The following RELN variants were observed in gnomAD, a reference collection of about 807,000 sequenced individuals.
RELN encodes the protein reelin.
A neutral mutation model predicts 427.6 loss-of-function variants in RELN; 108 were observed. The observed-to-expected ratio is 0.25, with a 90% CI of 0.22 to 0.30. The LOEUF (loss-of-function observed/expected upper bound fraction) is 0.30, where lower values mean the gene tolerates loss of function less well. Among genes scored for constraint, RELN ranks in the 10% least tolerant of loss-of-function variants. The pLI is 1.00. For synonymous variants in RELN, 1,524 were observed against 1,513.4 expected (o/e 1.01, Z -0.16); for missense variants, 3,715 against 4,302.8 (o/e 0.86, Z 3.82).
At chr7:103,963,108 T>TTC (rs950855492) in intron 1 of RELN, among the ~76,000 whole-genome samples, 1 of 149,682 alleles carries the variant, frequency 6.7e-6, no homozygotes, top group Non-Finnish European at 1.5e-5. Context: ...TTAGACAGGA[T>TTC]TCTCTCTCTC....
intron 1 of RELN, among the ~76,000 whole-genome samples, chr7:103,985,074 C>G (rs768665560): frequency 2.6e-4 from 39 of 152,166 alleles, no homozygotes; most frequent in Non-Finnish European, 5.1e-4. Context: ...ATACTCTATC[C>G]TGATTATACC....
At chr7:103,819,504 A>C (rs1284193163) in intron 3 of RELN, among the ~76,000 whole-genome samples, 1 of 152,122 alleles carries the variant, frequency 6.6e-6, no homozygotes, top group Non-Finnish European at 1.5e-5. Flanking sequence ...GAGAGTTACC[A>C]AAGTGGAATA....
At chr7:103,651,129 C>T (rs1000389667) in intron 15 of RELN, among the ~76,000 whole-genome samples, 8 of 152,116 alleles carry the variant, frequency 5.3e-5, no homozygotes, top group African/African-American at 1.9e-4. Flanking sequence ...TAATTCCCAA[C>T]TTAATTTTGC....
At chr7:103,669,114 G>A (rs1012984684) in intron 11 of RELN, among the ~76,000 whole-genome samples, 1 of 152,042 alleles carries the variant, frequency 6.6e-6, no homozygotes, top group African/African-American at 2.4e-5. Context: ...CTTTATTTAA[G>A]TCTGACATAT....
intron 60 of RELN, 79 bp downstream of exon 60, chr7:103,489,663 A>T: frequency 6.6e-7 from 1 of 1,508,132 alleles, no homozygotes. Flanking sequence ...TCCATTTCCT[A>T]GTGGACTTTT....
At chr7:103,710,859 C>G (rs1469339446) in intron 8 of RELN, among the ~76,000 whole-genome samples, 1 of 152,164 alleles carries the variant, frequency 6.6e-6, no homozygotes, top group Non-Finnish European at 1.5e-5. Flanking sequence ...TCCTGGCCAA[C>G]ATGGTGAAAC....
At chr7:103,558,070 G>T (rs374551980) in intron 36 of RELN, 21 bp from the exon 37 acceptor site, 2 of 1,247,152 alleles carry the variant, frequency 1.6e-6, no homozygotes, top group Non-Finnish European at 2.4e-6. Context: ...AAACATATAC[G>T]TTAAGCAACT....
At chr7:103,747,581 C>G (rs1425257313) in intron 6 of RELN, among the ~76,000 whole-genome samples, 2 of 150,690 alleles carry the variant, frequency 1.3e-5, no homozygotes, top group Admixed American at 6.6e-5. Context: ...CCTCTGCCAC[C>G]TTTTGTTTAA....
chr7:103,600,112 G>A (rs372090440), intron 24 of RELN, among the ~76,000 whole-genome samples: 2 of 152,106 alleles, frequency 1.3e-5, no homozygotes, highest in East Asian at 1.9e-4. Context: ...TGCTTGGGAT[G>A]CTCTTAAACT....
chr7:103,495,891 A>G lies in RELN; in HGVS notation c.9201T>C (p.Thr3067=). 6.2e-7 allele frequency: 1 copy of G among 1,614,018 alleles called. No individual in the cohort carries two copies. The highest frequency in any genetic ancestry group is 2.2e-5 in the East Asian group (1 of 44,866). Residue 3067 remains threonine (T), a synonymous_variant, in exon 57 of 65, where the codon ACT becomes ACC. Coordinates refer to ENST00000428762, the MANE Select transcript of RELN (RefSeq NM_005045.4). ...AAAAACTCCAGTTTTCTTCATGGGA[A>G]GTGCCTTCTGTTAAGGAAAATTGGA... ...QLVDTFDDEG[T]SHEENWSFYP... is the part of the protein sequence containing the mutation.
intron 10 of RELN, among the ~76,000 whole-genome samples, chr7:103,691,279 C>G (rs1224839558): frequency 6.6e-6 from 1 of 152,000 alleles, no homozygotes; most frequent in South Asian, 2.1e-4. Flanking sequence ...ATCATTCTTC[C>G]CTACTTGAGA....
intron 2 of RELN, among the ~76,000 whole-genome samples, chr7:103,835,269 T>G (rs1369673135): frequency 6.6e-6 from 1 of 152,182 alleles, no homozygotes; most frequent in East Asian, 1.9e-4. Context: ...ATTAAAAAGA[T>G]CAGGAGTTGC....
chr7:103,955,584 T>C (rs1438189675), intron 1 of RELN, among the ~76,000 whole-genome samples: 1 of 152,238 alleles, frequency 6.6e-6, no homozygotes, highest in African/African-American at 2.4e-5. Flanking sequence ...TTATTGTATT[T>C]GGCTTCTTTG....
At chr7:103,595,138 A>C (rs1317028971) in intron 25 of RELN, among the ~76,000 whole-genome samples, 1 of 152,230 alleles carries the variant, frequency 6.6e-6, no homozygotes, top group Non-Finnish European at 1.5e-5. Context: ...GCTATTCTGC[A>C]ATTTGAGGAA....
chr7:103,616,122 T>G (rs1646087266), intron 20 of RELN, among the ~76,000 whole-genome samples: 1 of 152,196 alleles, frequency 6.6e-6, no homozygotes, highest in South Asian at 2.1e-4. Flanking sequence ...ATCTCACTAT[T>G]CATGTGCCAT....
At chr7:103,611,536 A>ATTT (rs10673432) in intron 21 of RELN, 75 bp downstream of exon 21, 37,006 of 938,370 alleles carry the variant, frequency 0.039, 134 homozygotes, top group Non-Finnish European at 0.046. Flanking sequence ...TAGAACTGTA[A>ATTT]TTTTTTTTTT....
chr7:103,671,496 A>C (rs557740757), intron 11 of RELN, among the ~76,000 whole-genome samples: 8 of 152,252 alleles, frequency 5.3e-5, no homozygotes, highest in Non-Finnish European at 1.0e-4. Flanking sequence ...AGAGAAAATG[A>C]TGTATTGCCT....
intron 16 of RELN, among the ~76,000 whole-genome samples, chr7:103,643,676 C>T (rs1016313847): frequency 1.3e-5 from 2 of 151,870 alleles, no homozygotes; most frequent in African/African-American, 4.8e-5. Context: ...AAGAAAATTC[C>T]ATCAGACTAA....
chr7:103,609,430 G>C (rs947658692), intron 22 of RELN, among the ~76,000 whole-genome samples: 6 of 152,076 alleles, frequency 3.9e-5, no homozygotes, highest in African/African-American at 1.4e-4. Context: ...TATATGCTTG[G>C]AATACCATTG....
Sources: gnomAD v4.1 joint callset for allele counts (sites outside exome capture counted in the v4.1 genomes callset) on GRCh38, gnomAD v4.1.1 for gene constraint, MANE v1.5 for transcripts, NCBI Gene and HGNC (gene_info 2026-07-23, HGNC 2026-07-21) for gene names.